The following DNAJB6 variants were observed in gnomAD, a reference collection of about 807,000 sequenced individuals.
DNAJB6 encodes the protein DnaJ heat shock protein family (Hsp40) member B6.
DNAJB6 carries 16 observed loss-of-function variants against 42.7 expected under a neutral mutation model. The ratio of observed to expected loss-of-function variants is 0.37; its 90% CI spans 0.25 to 0.57. The LOEUF (loss-of-function observed/expected upper bound fraction) is 0.57. Ranked by LOEUF, DNAJB6 falls within the 20% of genes least tolerant of loss-of-function variation. DNAJB6 has a pLI of 0.74. For missense variants in DNAJB6, 347 were observed against 416.8 expected (o/e 0.83, Z 1.46); for synonymous variants, 170 against 163.5 (o/e 1.04, Z -0.30).
At chr7:157,338,927 A>G (rs1338484644) in intron 1 of DNAJB6, among the ~76,000 whole-genome samples, 1 of 152,118 alleles carries the variant, frequency 6.6e-6, no homozygotes, top group African/African-American at 2.4e-5. Flanking sequence ...TCCAGAGGGC[A>G]GAGCTCTTAA....
intron 1 of DNAJB6, among the ~76,000 whole-genome samples, chr7:157,355,055 T>C (rs1456148728): frequency 6.6e-6 from 1 of 152,216 alleles, no homozygotes; most frequent in African/African-American, 2.4e-5. Context: ...CTGGGACTCA[T>C]TGCTAAGTAA....
At chr7:157,407,097 G>C (rs1004472210) in intron 8 of DNAJB6, among the ~76,000 whole-genome samples, 1 of 152,246 alleles carries the variant, frequency 6.6e-6, no homozygotes, top group African/African-American at 2.4e-5. Context: ...ACAGCTGGGA[G>C]GTGGGGGGGG....
At chr7:157,358,452 G>T in intron 1 of DNAJB6, 95 bp from the exon 2 acceptor site, 1 of 760,012 alleles carries the variant, frequency 1.3e-6, no homozygotes, top group Non-Finnish European at 2.3e-6. Flanking sequence ...GTGCTAAGGT[G>T]ACACCACCCC....
intron 8 of DNAJB6, among the ~76,000 whole-genome samples, chr7:157,393,991 G>A (rs1190661999): frequency 1.3e-5 from 2 of 152,170 alleles, no homozygotes; most frequent in South Asian, 2.1e-4. Flanking sequence ...ACATTTGTCC[G>A]TGTCTGAAGG....
chr7:157,337,289 CGTGGCCGGGGTTGCGGGGCGAAGG>C (rs1328651587), intron 1 of DNAJB6, 145 bp downstream of exon 1: 1 of 146,348 alleles, frequency 6.8e-6, no homozygotes, highest in Non-Finnish European at 1.5e-5. Context: ...GGGCGGGGGC[CGTGGCCGGGGTTGCGGGGCGAAGG>C]GTGGGCGGGG....
chr7:157,344,858 CT>C (rs1563108147), intron 1 of DNAJB6, among the ~76,000 whole-genome samples: 1 of 152,198 alleles, frequency 6.6e-6, no homozygotes, highest in Non-Finnish European at 1.5e-5. Flanking sequence ...AGTGATCCCC[CT>C]GCCTCAGCCT....
intron 5 of DNAJB6, among the ~76,000 whole-genome samples, chr7:157,377,699 C>A (rs1342999245): frequency 1.3e-5 from 2 of 152,180 alleles, no homozygotes; most frequent in Non-Finnish European, 2.9e-5. Context: ...GTCTCCTGAT[C>A]CAAATGCTAA....
intron 1 of DNAJB6, among the ~76,000 whole-genome samples, chr7:157,349,327 C>T (rs896516093): frequency 7.2e-5 from 11 of 152,118 alleles, no homozygotes; most frequent in African/African-American, 2.2e-4. Context: ...ATTAGGAAGG[C>T]TTTGATTGGT....
intron 8 of DNAJB6, chr7:157,386,232 T>C (rs1801049034): frequency 4.1e-6 from 4 of 979,074 alleles, no homozygotes; most frequent in Non-Finnish European, 4.8e-6. Context: ...AAAGTAAAGC[T>C]GGTAAACTGG....
chr7:157,344,046 A>G (rs1383971907), intron 1 of DNAJB6, among the ~76,000 whole-genome samples: 1 of 152,138 alleles, frequency 6.6e-6, no homozygotes, highest in Non-Finnish European at 1.5e-5. Context: ...TGTTATTAGA[A>G]ATGTTAATTA....
intron 8 of DNAJB6, chr7:157,386,106 G>A (rs1801043375): frequency 7.2e-6 from 7 of 972,474 alleles, no homozygotes; most frequent in Middle Eastern, 5.3e-4. Flanking sequence ...TACATTAATG[G>A]TAATACATTT....
In DNAJB6 at chr7:157,409,973, G is replaced by A; in HGVS notation, c.870G>A (p.Gly290=). 1 of 1,534,930 alleles carries A rather than the reference G, an allele frequency of 6.5e-7. No homozygotes were observed. Among genetic ancestry groups the A allele is most frequent in the Non-Finnish European group, 8.7e-7 (1 of 1,144,004 alleles). ...AGCAGGACCGACCTCGGGCACCCGG[G>A]CCCTGGGACCCCCTCGCGTCCGCAG... The part of the protein sequence containing the change: ...EGEQDRPRAP[G]PWDPLASAAG... Residue 290 remains glycine, a synonymous_variant, in exon 9 of 10, where the codon GGG becomes GGA. Coordinates refer to ENST00000262177, the MANE Select transcript of DNAJB6 (RefSeq NM_058246.4).
chr7:157,370,539 A>G (rs1226440110), intron 5 of DNAJB6, among the ~76,000 whole-genome samples: 1 of 152,338 alleles, frequency 6.6e-6, no homozygotes, highest in East Asian at 1.9e-4. Context: ...ATAATCTGAT[A>G]CACCAAGCCA....
intron 1 of DNAJB6, among the ~76,000 whole-genome samples, chr7:157,350,586 T>A (rs1312799230): frequency 6.6e-6 from 1 of 152,218 alleles, no homozygotes; most frequent in East Asian, 1.9e-4. Context: ...GGATGCCTTA[T>A]GAGTCAGAGC....
chr7:157,395,963 T>A (rs1176890632), intron 8 of DNAJB6, among the ~76,000 whole-genome samples: 2 of 149,566 alleles, frequency 1.3e-5, no homozygotes, highest in Admixed American at 6.7e-5. Flanking sequence ...TTTTTTTTTT[T>A]TGGAGACGTA....
chr7:157,344,094 A>G (rs959308094), intron 1 of DNAJB6, among the ~76,000 whole-genome samples: 1 of 152,192 alleles, frequency 6.6e-6, no homozygotes, highest in African/African-American at 2.4e-5. Flanking sequence ...TAATCCCAGT[A>G]CTTTGGGAGG....
chr7:157,398,844 A>G (rs1303672364), intron 8 of DNAJB6, among the ~76,000 whole-genome samples: 2 of 152,272 alleles, frequency 1.3e-5, no homozygotes, highest in African/African-American at 4.8e-5. Flanking sequence ...CTGTAGAATT[A>G]GAAGTGACTT....
intron 5 of DNAJB6, chr7:157,380,779 A>G (rs4716709): frequency 0.69 from 105,137 of 152,124 alleles, 36,840 homozygotes; most frequent in African/African-American, 0.82. Flanking sequence ...GGGTAAAGCC[A>G]ACTGGCCAGT....
At chr7:157,414,500 C>A (rs1052992032) in intron 9 of DNAJB6, 2 of 152,298 alleles carry the variant, frequency 1.3e-5, no homozygotes, top group African/African-American at 4.8e-5. Flanking sequence ...CCTCTGCAGC[C>A]GCCAACGGCA....
Sources: gnomAD v4.1 joint callset for allele counts (sites outside exome capture counted in the v4.1 genomes callset) on GRCh38, gnomAD v4.1.1 for gene constraint, MANE v1.5 for transcripts, NCBI Gene and HGNC (gene_info 2026-07-23, HGNC 2026-07-21) for gene names.